ABCC4: variants seen among roughly 807,000 people sequenced by gnomAD.
The protein encoded by ABCC4 is ATP binding cassette subfamily C member 4 (PEL blood group).
Under a neutral mutation model 168.5 loss-of-function variants are expected in ABCC4, and 102 were observed. The observed-to-expected ratio is 0.61, with a 90% CI of 0.52 to 0.71. The LOEUF (loss-of-function observed/expected upper bound fraction) is 0.71. ABCC4 is among the 30% of genes least tolerant of loss of function. The pLI is 0.00. For synonymous variants in ABCC4, 617 were observed against 590.7 expected (o/e 1.04, Z -0.65); for missense variants, 1,402 against 1,605.8 (o/e 0.87, Z 2.17).
chr13:95,261,277 C>T (rs1428691188), intron 1 of ABCC4, among the ~76,000 whole-genome samples: 4 of 152,010 alleles, frequency 2.6e-5, no homozygotes, highest in Middle Eastern at 3.4e-3. Flanking sequence ...AGCGAAACCC[C>T]GTCTCTACTA....
At chr13:95,243,070 C>T (rs1361468025) in intron 3 of ABCC4, among the ~76,000 whole-genome samples, 1 of 152,204 alleles carries the variant, frequency 6.6e-6, no homozygotes, top group Non-Finnish European at 1.5e-5. Flanking sequence ...CCATAAACCA[C>T]CAAGATATTG....
At chr13:95,050,950 G>A (rs886594797) in intron 27 of ABCC4, among the ~76,000 whole-genome samples, 15 of 152,178 alleles carry the variant, frequency 9.9e-5, no homozygotes, top group Admixed American at 2.0e-4. Context: ...CACTTTATGA[G>A]TAATTCTTGT....
At chr13:95,287,494 G>A (rs1265665173) in intron 1 of ABCC4, among the ~76,000 whole-genome samples, 3 of 151,630 alleles carry the variant, frequency 2.0e-5, no homozygotes, top group Non-Finnish European at 2.9e-5. Flanking sequence ...GGCTGAGACA[G>A]CAGAATCGTT....
intron 11 of ABCC4, among the ~76,000 whole-genome samples, chr13:95,180,849 T>C (rs1360883393): frequency 3.3e-5 from 5 of 152,198 alleles, no homozygotes; most frequent in African/African-American, 1.2e-4. Context: ...AGACAGGGAA[T>C]AGGGAAGGAG....
At chr13:95,057,390 C>T (rs963768974) in intron 26 of ABCC4, among the ~76,000 whole-genome samples, 19 of 152,170 alleles carry the variant, frequency 1.2e-4, no homozygotes, top group African/African-American at 4.3e-4. Context: ...CAGATGCGCA[C>T]CACCACGTCC....
chr13:95,246,845 TAAAATACCTTC>T (rs1158521319), intron 3 of ABCC4, 119 bp downstream of exon 3: 7 of 1,101,714 alleles, frequency 6.4e-6, no homozygotes, highest in Non-Finnish European at 7.9e-6. Flanking sequence ...CCTTAGACCT[TAAAATACCTTC>T]AAACCCCATC....
chr13:95,042,746 C>G (rs1237498755), intron 29 of ABCC4, among the ~76,000 whole-genome samples: 1 of 152,104 alleles, frequency 6.6e-6, no homozygotes, highest in Non-Finnish European at 1.5e-5. Context: ...TAGGAGTGAC[C>G]AACTGACTTG....
chr13:95,047,774 C>G (rs776713860), intron 27 of ABCC4, among the ~76,000 whole-genome samples: 1 of 152,160 alleles, frequency 6.6e-6, no homozygotes, highest in African/African-American at 2.4e-5. Context: ...TGAGCCACTA[C>G]GCCCAGCCGC....
chr13:95,289,717 T>C (rs576369534), intron 1 of ABCC4, among the ~76,000 whole-genome samples: 26 of 152,224 alleles, frequency 1.7e-4, no homozygotes, highest in Non-Finnish European at 3.5e-4. Flanking sequence ...AATGGAAATA[T>C]GCACAGAAAT....
chr13:95,164,538 G>T lies in ABCC4; in HGVS notation c.2035-20C>A. The T allele has an allele frequency of 6.2e-7, 1 of 1,613,700 alleles. No homozygotes were observed. Among genetic ancestry groups the T allele is most frequent in the East Asian group, 2.2e-5 (1 of 44,836 alleles). On this transcript the variant is annotated intron_variant, in intron 15 of 30. Coordinates refer to ENST00000645237, the MANE Select transcript of ABCC4 (RefSeq NM_005845.5). ...CTCTGTCTGCAGAGGAAAAAAGGTG[G>T]TAAGAGACAAAACAGTATACAAAAC... is the stretch of plus-strand genomic sequence containing the variant.
chr13:95,184,446 G>C (rs926872466), intron 11 of ABCC4, among the ~76,000 whole-genome samples: 6 of 152,180 alleles, frequency 3.9e-5, no homozygotes, highest in African/African-American at 1.2e-4. Flanking sequence ...CCTGGCAGAG[G>C]GGAAAATGGA....
intron 1 of ABCC4, among the ~76,000 whole-genome samples, chr13:95,293,428 G>A (rs567432242): frequency 6.6e-6 from 1 of 151,976 alleles, no homozygotes; most frequent in Non-Finnish European, 1.5e-5. Flanking sequence ...CACCCAACAC[G>A]GGTTCAGGAT....
intron 21 of ABCC4, among the ~76,000 whole-genome samples, chr13:95,079,135 G>A (rs2034006282): frequency 6.6e-6 from 1 of 152,184 alleles, no homozygotes; most frequent in African/African-American, 2.4e-5. Flanking sequence ...GTGAGGGTGA[G>A]CTGGGAGGTC....
rs566368068 is a variant in ABCC4, at chr13:95,106,204, C to T, written c.2535+9718G>A. Among the ~76,000 whole-genome samples, 4 of 152,136 alleles carry T rather than the reference C, an allele frequency of 2.6e-5. No homozygotes were observed. In the East Asian group the frequency reaches 7.8e-4, roughly 30 times the overall value. The stretch of plus-strand genomic sequence containing the variant: ...TGTAGACTCCGACTGCCCTAGAGCC[C>T]TACATAAATCATCTATTACAGCCAC... On this transcript the variant is annotated intron_variant, in intron 20 of 30. Coordinates refer to ENST00000645237, the MANE Select transcript of ABCC4 (RefSeq NM_005845.5).
chr13:95,042,949 T>C (rs1366712778), intron 29 of ABCC4, among the ~76,000 whole-genome samples: 1 of 152,172 alleles, frequency 6.6e-6, no homozygotes, highest in Non-Finnish European at 1.5e-5. Flanking sequence ...TTTGTATTAT[T>C]AGTAGAGACA....
At chr13:95,248,119 C>T (rs1178030034) in intron 1 of ABCC4, among the ~76,000 whole-genome samples, 2 of 152,060 alleles carry the variant, frequency 1.3e-5, no homozygotes, top group Admixed American at 6.6e-5. Flanking sequence ...AGATACCATA[C>T]GATAAGGAAA....
intron 20 of ABCC4, among the ~76,000 whole-genome samples, chr13:95,086,804 G>T (rs2034271791): frequency 6.6e-6 from 1 of 152,166 alleles, no homozygotes; most frequent in East Asian, 1.9e-4. Context: ...TTAGGTACAA[G>T]ATGAAATATG....
intron 1 of ABCC4, chr13:95,269,174 C>A: frequency 2.4e-6 from 1 of 422,436 alleles, no homozygotes; most frequent in South Asian, 1.6e-5. Flanking sequence ...GATTATTGAA[C>A]CCAAGGGGGT....
intron 19 of ABCC4, among the ~76,000 whole-genome samples, chr13:95,145,529 T>C (rs1265047909): frequency 6.8e-6 from 1 of 146,000 alleles, no homozygotes; most frequent in Non-Finnish European, 1.5e-5. Context: ...AAAGCTAAAA[T>C]GGGAGAATCA....
Sources: allele counts gnomAD v4.1 joint callset (sites outside exome capture counted in the v4.1 genomes callset), GRCh38; gene constraint gnomAD v4.1.1; transcripts MANE v1.5; gene names NCBI Gene and HGNC (gene_info 2026-07-23, HGNC 2026-07-21).